GPC6: variants seen among roughly 807,000 people sequenced by gnomAD.
GPC6 encodes the protein glypican 6.
In GPC6, 14 loss-of-function variants were observed where a neutral mutation model predicts 55.2. That is an observed-to-expected ratio of 0.25 (90% CI 0.17 to 0.40). The LOEUF (loss-of-function observed/expected upper bound fraction) is 0.40. Ranked by LOEUF, GPC6 falls within the 10% of genes least tolerant of loss-of-function variation. The pLI is 1.00. For missense variants in GPC6, 641 were observed against 708.5 expected (o/e 0.90, Z 1.08); for synonymous variants, 278 against 259.6 (o/e 1.07, Z -0.68).
At chr13:94,190,322 AG>A (rs1471983700) in intron 4 of GPC6, among the ~76,000 whole-genome samples, 2 of 147,346 alleles carry the variant, frequency 1.4e-5, no homozygotes, top group Non-Finnish European at 3.0e-5. Flanking sequence ...AAAAAAAAAA[AG>A]TATGCAGAAA....
At chr13:93,349,152 T>G (rs1383220597) in intron 1 of GPC6, among the ~76,000 whole-genome samples, 4 of 152,258 alleles carry the variant, frequency 2.6e-5, no homozygotes, top group Non-Finnish European at 5.9e-5. Flanking sequence ...ATATCTAATG[T>G]GCACTGATAA....
At chr13:93,707,467 G>T (rs74653227) in intron 2 of GPC6, among the ~76,000 whole-genome samples, 2 of 151,518 alleles carry the variant, frequency 1.3e-5, no homozygotes, top group African/African-American at 4.9e-5. Context: ...AGAAAAATTG[G>T]ATGGTAGGCA....
chr13:93,963,538 C>T lies in GPC6; in HGVS notation c.712-64191C>T, dbSNP rs77518914. ...ACGTAACACTTTAATTGTAGTTTTCCAATATCAGTGCTGTTAATAACAGTT... is the reference window on the plus strand; with the variant it reads ...ACGTAACACTTTAATTGTAGTTTTCTAATATCAGTGCTGTTAATAACAGTT... On this transcript the variant is annotated intron_variant, in intron 3 of 8. Coordinates refer to ENST00000377047, the MANE Select transcript of GPC6 (RefSeq NM_005708.5). Among the ~76,000 whole-genome samples, 1,173 of 152,198 alleles carry T rather than the reference C, an allele frequency of 7.7e-3. 15 individuals are homozygous for T. Among genetic ancestry groups the T allele is most frequent in the African/African-American group, 0.027 (1,120 of 41,528 alleles).
intron 4 of GPC6, among the ~76,000 whole-genome samples, chr13:94,193,696 A>G (rs902860471): frequency 4.6e-5 from 7 of 152,322 alleles, no homozygotes; most frequent in East Asian, 1.9e-4. Context: ...CCCGACTACA[A>G]AGAAAATCAC....
chr13:94,368,273 G>T (rs781247537), intron 6 of GPC6, among the ~76,000 whole-genome samples: 1 of 152,084 alleles, frequency 6.6e-6, no homozygotes, highest in Non-Finnish European at 1.5e-5. Context: ...GTGGTTTTAG[G>T]TTGAATAGTG....
chr13:94,046,725 G>T (rs59722893), intron 4 of GPC6, among the ~76,000 whole-genome samples: 2,684 of 152,072 alleles, frequency 0.018, 83 homozygotes, highest in African/African-American at 0.059. Flanking sequence ...TCCTGCGTTT[G>T]TGTGTCTATA....
intron 1 of GPC6, among the ~76,000 whole-genome samples, chr13:93,328,885 C>T (rs935938689): frequency 5.9e-5 from 9 of 152,084 alleles, no homozygotes; most frequent in African/African-American, 2.2e-4. Flanking sequence ...AATACCTCTA[C>T]AGTTTCTGTT....
At position 94,189,431 on chromosome 13, in the gene GPC6, G is replaced by T. The variant is rs141476573; in HGVS notation, c.878-96918G>T. ...AGAGGGAGGCATGCTCCCCACCCTG[G>T]GATGTTCCCTTTACTGCTACCACTT... On this transcript the variant is annotated intron_variant, in intron 4 of 8. Coordinates refer to ENST00000377047, the MANE Select transcript of GPC6 (RefSeq NM_005708.5). Among the ~76,000 whole-genome samples, 229 of 152,162 alleles carry T rather than the reference G, an allele frequency of 1.5e-3. 5 individuals carry two copies. In the South Asian group the frequency reaches 0.021, roughly 14 times the overall value.
At chr13:93,217,781 CG>C in the GPC6 span, among the ~76,000 whole-genome samples, 1 of 152,112 alleles carries the variant, frequency 6.6e-6, no homozygotes, top group South Asian at 2.1e-4. Context: ...ACGAACATGC[CG>C]GTACATGTTT....
At chr13:93,264,791 G>A (rs1211016907) in intron 1 of GPC6, among the ~76,000 whole-genome samples, 1 of 151,806 alleles carries the variant, frequency 6.6e-6, no homozygotes, top group Non-Finnish European at 1.5e-5. Context: ...TTTTAAAATT[G>A]TATTATTTTT....
At chr13:94,100,208 A>G (rs1018935266) in intron 4 of GPC6, among the ~76,000 whole-genome samples, 3 of 152,242 alleles carry the variant, frequency 2.0e-5, no homozygotes, top group Non-Finnish European at 4.4e-5. Flanking sequence ...AGTCACAGAG[A>G]TAATTCAACA....
At chr13:93,580,557 A>G (rs561760077) in intron 2 of GPC6, among the ~76,000 whole-genome samples, 1 of 152,124 alleles carries the variant, frequency 6.6e-6, no homozygotes, top group African/African-American at 2.4e-5. Flanking sequence ...TTGAGCACCT[A>G]TTATGTGCCA....
At chr13:93,427,666 T>A (rs528675398) in intron 1 of GPC6, among the ~76,000 whole-genome samples, 1 of 152,312 alleles carries the variant, frequency 6.6e-6, no homozygotes, top group African/African-American at 2.4e-5. Context: ...CTTCATCTTA[T>A]TTATGAATGA....
At chr13:94,062,221 C>A (rs1566353712) in intron 4 of GPC6, among the ~76,000 whole-genome samples, 1 of 151,800 alleles carries the variant, frequency 6.6e-6, no homozygotes, top group Non-Finnish European at 1.5e-5. Flanking sequence ...AGATCTTACC[C>A]TCTACATTTC....
Position 93,510,961 on chromosome 13 carries a change from A to ATATATATGTGTATATATATATG in GPC6, c.161-34295_161-34294insGTGTATATATATATGTATATAT, listed in dbSNP as rs1555306596. The stretch of plus-strand genomic sequence containing the variant: ...GTTTTCTTTTGAGAAATATATATAT[A>ATATATATGTGTATATATATATG]TATATATATGTGTATATATATATGT... On this transcript the variant is annotated intron_variant, in intron 1 of 8. Transcript: ENST00000377047. 4.1e-5 allele frequency among the ~76,000 whole-genome samples: 4 copies of ATATATATGTGTATATATATATG among 96,636 alleles called. 1 individual carries two copies. The highest frequency in any genetic ancestry group is 1.5e-4 in the African/African-American group (4 of 26,702). The allele number at this position is 96,636 out of a possible 152,430, so 63.4% of individuals were successfully genotyped here. A position where few individuals can be genotyped will look rare whatever the true frequency, so the allele number is the denominator to read the frequency against.
chr13:93,518,470 A>T (rs887251393), intron 1 of GPC6, among the ~76,000 whole-genome samples: 1 of 151,916 alleles, frequency 6.6e-6, no homozygotes, highest in Non-Finnish European at 1.5e-5. Flanking sequence ...TCTCATCCTT[A>T]GCTTCACTTC....
chr13:93,969,881 C>T (rs11843879), intron 3 of GPC6, among the ~76,000 whole-genome samples: 1,580 of 152,166 alleles, frequency 0.01, 35 homozygotes, highest in African/African-American at 0.036. Flanking sequence ...GTTCCATCCA[C>T]GTTGCGCAAA....
chr13:93,419,262 A>G (rs962086968), intron 1 of GPC6, among the ~76,000 whole-genome samples: 4 of 151,796 alleles, frequency 2.6e-5, no homozygotes, highest in Non-Finnish European at 5.9e-5. Context: ...TGATTAGTTG[A>G]AAGCTAGATC....
At chr13:93,520,645 T>C (rs976549356) in intron 1 of GPC6, among the ~76,000 whole-genome samples, 2 of 151,964 alleles carry the variant, frequency 1.3e-5, no homozygotes, top group Admixed American at 1.3e-4. Context: ...GTTTTAATTC[T>C]TTAATAGCAT....
Sources: allele counts gnomAD v4.1 joint callset (sites outside exome capture counted in the v4.1 genomes callset), GRCh38; gene constraint gnomAD v4.1.1; transcripts MANE v1.5; gene names NCBI Gene and HGNC (gene_info 2026-07-23, HGNC 2026-07-21).